DAB1: variants seen among roughly 807,000 people sequenced by gnomAD.
DAB1 encodes the protein disabled homolog 1.
Under a neutral mutation model 64.6 loss-of-function variants are expected in DAB1, and 15 were observed. The ratio of observed to expected loss-of-function variants is 0.23; its 90% confidence interval spans 0.16 to 0.36. The LOEUF (loss-of-function observed/expected upper bound fraction) is 0.36. DAB1 is among the 10% of genes least tolerant of loss of function. The pLI is 1.00. For synonymous variants in DAB1, 235 were observed against 251.9 expected (o/e 0.93, Z 0.64); for missense variants, 596 against 706.7 (o/e 0.84, Z 1.78).
chr1:57,708,600 G>GC, intron 6 of DAB1, among the ~76,000 whole-genome samples: 1 of 152,204 alleles, frequency 6.6e-6, no homozygotes, highest in Non-Finnish European at 1.5e-5. Flanking sequence ...GGTGAAGCTG[G>GC]CTGTGACTTG....
chr1:57,138,254 C>A (rs554584213), intron 3 of DAB1, among the ~76,000 whole-genome samples: 1 of 152,154 alleles, frequency 6.6e-6, no homozygotes, highest in South Asian at 2.1e-4. Flanking sequence ...AACCTTAAAA[C>A]TAATAGATCC....
At chr1:57,152,413 G>A (rs555087938) in intron 2 of DAB1, among the ~76,000 whole-genome samples, 4 of 152,166 alleles carry the variant, frequency 2.6e-5, no homozygotes, top group African/African-American at 4.8e-5. Flanking sequence ...CAAGTAATCC[G>A]AGAATTGAAT....
At position 57,890,597 on chromosome 1, in the gene DAB1, C is replaced by G. The variant is rs547343391; in HGVS notation, n.388-6435G>C. On this transcript the variant is annotated intron_variant and non_coding_transcript_variant, in intron 5 of 20. Coordinates refer to the DAB1 transcript ENST00000485760. ...CAGCCTCTCAAGTCACTGGGATCCC[C>G]GGCATGCACTACTATGCCTGGGTAA... Among the ~76,000 whole-genome samples the G allele has an allele frequency of 1.6e-4, 25 of 151,874 alleles. No homozygotes were observed. In the East Asian group the frequency reaches 4.9e-3, roughly 30 times the overall value.
chr1:57,191,875 T>A (rs1436030459), intron 2 of DAB1, among the ~76,000 whole-genome samples: 1 of 152,130 alleles, frequency 6.6e-6, no homozygotes, highest in Non-Finnish European at 1.5e-5. Flanking sequence ...CCTACCCCTA[T>A]TCATCTCCCA....
chr1:58,335,432 T>G (rs1663089654), intron 4 of DAB1, among the ~76,000 whole-genome samples: 1 of 152,224 alleles, frequency 6.6e-6, no homozygotes. Flanking sequence ...AGGCTTTCCC[T>G]TAAATTTGGA....
intron 1 of DAB1, among the ~76,000 whole-genome samples, chr1:57,335,673 C>T (rs17422855): frequency 0.11 from 16,061 of 152,180 alleles, 927 homozygotes; most frequent in Middle Eastern, 0.13. Flanking sequence ...TGGCATACCC[C>T]TGCTCATCTG....
intron 2 of DAB1, among the ~76,000 whole-genome samples, chr1:57,290,333 A>G (rs905393965): frequency 6.6e-6 from 1 of 152,158 alleles, no homozygotes; most frequent in Non-Finnish European, 1.5e-5. Context: ...TCTCTGGACC[A>G]GCAAGACTGG....
At chr1:57,829,499 T>G (rs1359672408) in intron 1 of DAB1, among the ~76,000 whole-genome samples, 3 of 152,208 alleles carry the variant, frequency 2.0e-5, no homozygotes, top group Non-Finnish European at 4.4e-5. Flanking sequence ...ACAAGATGCT[T>G]GCTAGACAGT....
chr1:58,491,882 C>A (rs1645699287), intron 3 of DAB1, among the ~76,000 whole-genome samples: 1 of 152,112 alleles, frequency 6.6e-6, no homozygotes, highest in Admixed American at 6.5e-5. Flanking sequence ...CAAGGATATC[C>A]AGGAATTGAA....
chr1:58,004,152 G>A (rs1170863331), intron 5 of DAB1, among the ~76,000 whole-genome samples: 1 of 152,116 alleles, frequency 6.6e-6, no homozygotes, highest in Non-Finnish European at 1.5e-5. Context: ...GTGAGTCACA[G>A]TTTTCTGAAA....
At chr1:58,162,870 C>A (rs1655616343) in intron 4 of DAB1, among the ~76,000 whole-genome samples, 1 of 152,136 alleles carries the variant, frequency 6.6e-6, no homozygotes, top group African/African-American at 2.4e-5. Context: ...GACTCTAGGT[C>A]AGTGGTTCTA....
At chr1:58,544,434 A>G (rs927694696) in intron 1 of DAB1, among the ~76,000 whole-genome samples, 3 of 152,244 alleles carry the variant, frequency 2.0e-5, no homozygotes, top group Non-Finnish European at 4.4e-5. Flanking sequence ...GAAAAAAGAT[A>G]CACCAAACTA....
intron 6 of DAB1, among the ~76,000 whole-genome samples, chr1:57,706,332 G>T: frequency 6.8e-6 from 1 of 148,118 alleles, no homozygotes; most frequent in Non-Finnish European, 1.5e-5. Flanking sequence ...TCTTTCCAGG[G>T]TGTCAGTCTG....
chr1:57,734,703 C>G (rs1297350937), intron 6 of DAB1, among the ~76,000 whole-genome samples: 1 of 152,162 alleles, frequency 6.6e-6, no homozygotes, highest in East Asian at 1.9e-4. Flanking sequence ...TGAGGGGTCC[C>G]CAGGGGACGG....
At chr1:57,546,355 C>T (rs923295503) in intron 7 of DAB1, among the ~76,000 whole-genome samples, 1 of 152,172 alleles carries the variant, frequency 6.6e-6, no homozygotes, top group African/African-American at 2.4e-5. Flanking sequence ...GTCTTTATCA[C>T]ATATTTTAAG....
rs946826812 is a variant in DAB1 at position 57,318,504 on chromosome 1, G to C, written c.-136-27338C>G. The stretch of plus-strand genomic sequence containing the variant: ...CCAGGCAAGTTCCTACTCAGCCTTC[G>C]AGAATCAGATCAAAAGCTACCTCCT... On this transcript the variant is annotated intron_variant, in intron 1 of 14. Coordinates refer to ENST00000371236, the MANE Select transcript of DAB1 (RefSeq NM_001365792.1). Among the ~76,000 whole-genome samples the C allele has an allele frequency of 5.3e-5, 8 of 152,116 alleles. No homozygotes were observed. In the South Asian group the frequency reaches 6.2e-4, roughly 12 times the overall value.
chr1:57,011,041 C>G (rs973489799), intron 13 of DAB1, 104 bp downstream of exon 13: 1 of 1,447,712 alleles, frequency 6.9e-7, no homozygotes, highest in Non-Finnish European at 9.5e-7. Context: ...TGAGATTGAG[C>G]CAGCATTCTT....
upstream of DAB1, among the ~76,000 whole-genome samples, chr1:57,427,025 G>A (rs1685317839): frequency 6.6e-6 from 1 of 151,568 alleles, no homozygotes; most frequent in East Asian, 1.9e-4. Context: ...CACCGCTCCC[G>A]GCTAATTTTT....
At chr1:57,766,078 A>T (rs1649298155) in intron 6 of DAB1, among the ~76,000 whole-genome samples, 1 of 152,084 alleles carries the variant, frequency 6.6e-6, no homozygotes, top group South Asian at 2.1e-4. Context: ...TATGGCTTAA[A>T]TATCATCTGT....
Sources: gnomAD v4.1 joint callset for allele counts (sites outside exome capture counted in the v4.1 genomes callset) on GRCh38, gnomAD v4.1.1 for gene constraint, MANE v1.5 for transcripts, NCBI Gene and HGNC (gene_info 2026-07-23, HGNC 2026-07-21) for gene names.